Variants in KALRN observed in about 807,000 individuals in gnomAD.
The protein encoded by KALRN is kalirin RhoGEF kinase, also known as kalirin.
Under a neutral mutation model 353.7 loss-of-function variants are expected in KALRN, and 70 were observed. That is an observed-to-expected ratio of 0.20 (90% CI 0.16 to 0.24). KALRN has a LOEUF of 0.24. Among genes scored for constraint, KALRN ranks in the 10% least tolerant of loss-of-function variants. The pLI, the probability that KALRN is intolerant of heterozygous loss-of-function variation, is 1.00. For missense variants in KALRN, 2,791 were observed against 3,756.7 expected (o/e 0.74, Z 6.72); for synonymous variants, 1,391 against 1,434.8 (o/e 0.97, Z 0.69).
chr3:124,522,579 G>C (rs2109026855), intron 33 of KALRN, among the ~76,000 whole-genome samples: 1 of 152,282 alleles, frequency 6.6e-6, no homozygotes, highest in East Asian at 1.9e-4. Context: ...TCTCAAACTT[G>C]AGTGTACATC....
intron 1 of KALRN, among the ~76,000 whole-genome samples, chr3:124,161,777 A>T (rs1263820598): frequency 6.6e-6 from 1 of 152,178 alleles, no homozygotes; most frequent in Non-Finnish European, 1.5e-5. Context: ...TCCTTCCTCT[A>T]GCTCCAAGGT....
chr3:124,047,692 AC>A (rs1446583779), intron 1 of KALRN, among the ~76,000 whole-genome samples: 1 of 148,640 alleles, frequency 6.7e-6, no homozygotes, highest in African/African-American at 2.5e-5. Context: ...TTTAGTAGAG[AC>A]AGGGTTTCAC....
intron 1 of KALRN, among the ~76,000 whole-genome samples, chr3:124,140,796 G>GA (rs1298133687): frequency 1.3e-5 from 2 of 151,742 alleles, no homozygotes; most frequent in African/African-American, 4.9e-5. Flanking sequence ...TGCCCTCCCG[G>GA]GGGGGGCACA....
At chr3:124,475,978 T>G (rs1395179504) in intron 26 of KALRN, among the ~76,000 whole-genome samples, 2 of 151,114 alleles carry the variant, frequency 1.3e-5, no homozygotes, top group Non-Finnish European at 3.0e-5. Flanking sequence ...AGTAAAGGGT[T>G]TTTTTTTTGC....
chr3:124,580,633 T>A (rs1329456167), intron 34 of KALRN, among the ~76,000 whole-genome samples: 2 of 152,198 alleles, frequency 1.3e-5, no homozygotes, highest in Non-Finnish European at 2.9e-5. Flanking sequence ...TGGATTCACT[T>A]TTCTCTCACA....
At chr3:124,281,987 C>G (rs2075388165) in intron 5 of KALRN, among the ~76,000 whole-genome samples, 1 of 152,182 alleles carries the variant, frequency 6.6e-6, no homozygotes, top group African/African-American at 2.4e-5. Context: ...GGGGTGTTAG[C>G]AAGTTTCACC....
chr3:124,622,840 A>G (rs1267153875), intron 34 of KALRN, among the ~76,000 whole-genome samples: 1 of 152,174 alleles, frequency 6.6e-6, no homozygotes, highest in African/African-American at 2.4e-5. Context: ...GCCAGAGCCT[A>G]TGTTTGCACT....
chr3:124,548,807 C>A (rs926956490), intron 33 of KALRN, among the ~76,000 whole-genome samples: 2 of 152,242 alleles, frequency 1.3e-5, no homozygotes, highest in African/African-American at 4.8e-5. Flanking sequence ...GCATGTGCCA[C>A]CACGCCCGGC....
At chr3:124,087,187 A>G (rs2060872318) in intron 1 of KALRN, among the ~76,000 whole-genome samples, 1 of 152,222 alleles carries the variant, frequency 6.6e-6, no homozygotes, top group Non-Finnish European at 1.5e-5. Flanking sequence ...AGCATGTTGC[A>G]TATTATAATA....
intron 34 of KALRN, among the ~76,000 whole-genome samples, chr3:124,625,453 G>C (rs1341777227): frequency 6.6e-6 from 1 of 152,120 alleles, no homozygotes; most frequent in Non-Finnish European, 1.5e-5. Flanking sequence ...CAGGTATGAT[G>C]GCTCATGCCT....
chr3:124,459,410 G>A lies in KALRN; in HGVS notation c.3855-2480G>A, dbSNP rs547458809. Among the ~76,000 whole-genome samples the A allele has an allele frequency of 3.9e-5, 6 of 152,330 alleles. No homozygotes were observed. The East Asian group carries it at 1.2e-3, about 29-fold the overall frequency. Reference sequence around the variant, plus strand: ...TGTTTTCTCAGAATAAGAATGAATAGGGGCCAGAATTCATTTAGTGAGCTG... The same window carrying A: ...TGTTTTCTCAGAATAAGAATGAATAAGGGCCAGAATTCATTTAGTGAGCTG... On this transcript the variant is annotated intron_variant, in intron 23 of 59. Coordinates refer to ENST00000682506, the MANE Select transcript of KALRN (RefSeq NM_001388419.1).
intron 3 of KALRN, among the ~76,000 whole-genome samples, chr3:124,246,305 C>G (rs574046287): frequency 1.3e-5 from 2 of 152,248 alleles, no homozygotes; most frequent in African/African-American, 4.8e-5. Context: ...AAACCTTATC[C>G]TGACTTTGGA....
intron 5 of KALRN, among the ~76,000 whole-genome samples, chr3:124,290,125 T>C (rs1450119042): frequency 2.6e-5 from 4 of 152,148 alleles, no homozygotes; most frequent in Non-Finnish European, 5.9e-5. Context: ...CTAGATATGA[T>C]GTGTCAAGGA....
At chr3:124,680,024 A>G (rs1468219046) in intron 51 of KALRN, among the ~76,000 whole-genome samples, 1 of 152,174 alleles carries the variant, frequency 6.6e-6, no homozygotes, top group Non-Finnish European at 1.5e-5. Flanking sequence ...ATAACGGGTG[A>G]AGTATGGCAC....
At chr3:124,217,329 A>G (rs1177474585) in intron 1 of KALRN, among the ~76,000 whole-genome samples, 1 of 152,208 alleles carries the variant, frequency 6.6e-6, no homozygotes, top group East Asian at 1.9e-4. Context: ...GGACTCAAAA[A>G]TTGCTTAAAA....
intron 34 of KALRN, among the ~76,000 whole-genome samples, chr3:124,585,971 C>G (rs533120820): frequency 3.3e-5 from 5 of 152,280 alleles, no homozygotes; most frequent in African/African-American, 1.2e-4. Flanking sequence ...CACAACATAG[C>G]CCTGAGAAAT....
In KALRN at chr3:124,227,663, GTTTTTT is replaced by G. The variant is rs747087120; in HGVS notation, c.74-290_74-285del. Among the ~76,000 whole-genome samples, 11 of 69,264 alleles carry G rather than the reference GTTTTTT, an allele frequency of 1.6e-4. No homozygotes were observed. In the Admixed American group the frequency reaches 1.7e-3, roughly 11 times the overall value. The allele number at this position is 69,264 out of a possible 152,430, so 45.4% of individuals were successfully genotyped here. The stretch of plus-strand genomic sequence containing the variant: ...CAAGTTGCTCAATAGCAACAGGGCT[GTTTTTT>G]TTTTTTTTTTTTTTTTTTTTTTTTT... On this transcript the variant is annotated intron_variant, in intron 1 of 59. Coordinates refer to ENST00000682506, the MANE Select transcript of KALRN (RefSeq NM_001388419.1).
intron 33 of KALRN, chr3:124,518,313 C>A: frequency 8.7e-7 from 1 of 1,155,888 alleles, no homozygotes; most frequent in Non-Finnish European, 1.3e-6. Flanking sequence ...GATGATTTAA[C>A]TCTGTTTTCT....
At chr3:124,156,479 C>T (rs757950758) in intron 1 of KALRN, among the ~76,000 whole-genome samples, 19 of 152,128 alleles carry the variant, frequency 1.2e-4, no homozygotes, top group Admixed American at 3.3e-4. Flanking sequence ...CATTCCTGTT[C>T]CCCGCCATGT....
Sources: gnomAD v4.1 joint callset for allele counts (sites outside exome capture counted in the v4.1 genomes callset) on GRCh38, gnomAD v4.1.1 for gene constraint, MANE v1.5 for transcripts, NCBI Gene and HGNC (gene_info 2026-07-23, HGNC 2026-07-21) for gene names.